SYNE1: variants seen among roughly 807,000 people sequenced by gnomAD.
The protein encoded by SYNE1 is nesprin-1.
Under a neutral mutation model 1,111.0 loss-of-function variants are expected in SYNE1, and 616 were observed. That is an observed-to-expected ratio of 0.55 (90% CI 0.52 to 0.59). The LOEUF (loss-of-function observed/expected upper bound fraction) is 0.59, where lower values mean the gene tolerates loss of function less well. Ranked by LOEUF, SYNE1 falls within the 20% of genes least tolerant of loss-of-function variation. The pLI, the probability that SYNE1 is intolerant of heterozygous loss-of-function variation, is 0.00. For missense variants in SYNE1, 10,006 were observed against 10,417.0 expected (o/e 0.96, Z 1.72); for synonymous variants, 3,855 against 3,825.8 (o/e 1.01, Z -0.28).
intron 105 of SYNE1, among the ~76,000 whole-genome samples, chr6:152,248,204 C>T (rs754807436): frequency 6.6e-6 from 1 of 152,186 alleles, no homozygotes; most frequent in Non-Finnish European, 1.5e-5. Context: ...TACCTGCAAA[C>T]ATCCCCTACA....
At position 152,464,259 on chromosome 6, in the gene SYNE1, C is replaced by T. The variant is rs142434774; in HGVS notation, c.1933-742G>A. On this transcript the variant is annotated intron_variant, in intron 18 of 145. Transcript: ENST00000367255. ...TGTGCACACGCACACACACAACACA[C>T]ATCACAGTGAAAAACAAGGATACCA... 1.7e-3 allele frequency among the ~76,000 whole-genome samples: 261 copies of T among 152,310 alleles called. 2 individuals carry two copies. Among genetic ancestry groups the T allele is most frequent in the African/African-American group, 6.1e-3 (255 of 41,568 alleles).
rs1398734304 is a variant in SYNE1 at position 152,520,458 on chromosome 6, C to G, written c.309+1G>C. The G allele has an allele frequency of 6.2e-7, 1 of 1,613,286 alleles. No individual in the cohort carries two copies. Among genetic ancestry groups the G allele is most frequent in the Non-Finnish European group, 8.5e-7 (1 of 1,179,596 alleles). ...GCATTTTGTTTTTGTTTCTCTCTTA[C>G]CTTTCTTCCTTCGAGGAACTTGAGT... is the stretch of plus-strand genomic sequence containing the variant. On this transcript the variant is annotated splice_donor_variant, in intron 6 of 145. Transcript: ENST00000367255. LOFTEE classifies it high-confidence loss of function.
At chr6:152,389,627 T>G (rs890374590) in intron 53 of SYNE1, among the ~76,000 whole-genome samples, 22 of 152,172 alleles carry the variant, frequency 1.4e-4, no homozygotes, top group African/African-American at 5.3e-4. Flanking sequence ...AAACACTACC[T>G]GGTATAACAA....
At chr6:152,496,124 C>T (rs1415219063) in intron 11 of SYNE1, among the ~76,000 whole-genome samples, 2 of 152,150 alleles carry the variant, frequency 1.3e-5, no homozygotes, top group Non-Finnish European at 2.9e-5. Flanking sequence ...GTTTTCCTTA[C>T]TCCCAAAATT....
intron 32 of SYNE1, among the ~76,000 whole-genome samples, chr6:152,437,084 G>A (rs777352801): frequency 2.6e-5 from 4 of 152,048 alleles, no homozygotes; most frequent in African/African-American, 7.2e-5. Flanking sequence ...AGAGGAGATA[G>A]AGGCTGCAGT....
intron 3 of SYNE1, among the ~76,000 whole-genome samples, chr6:152,619,046 T>TCACACA (rs56677340): frequency 0.043 from 5,900 of 135,736 alleles, 269 homozygotes; most frequent in African/African-American, 0.11. Flanking sequence ...GGTGTGAGAA[T>TCACACA]CACACACACA....
rs957914088 is a variant in SYNE1 at position 152,451,196 on chromosome 6, C to T, written c.3037G>A (p.Gly1013Arg). Residue 1013 changes from glycine to arginine, a missense_variant, in exon 26 of 146, where the codon GGA becomes AGA. By Grantham distance (125) the Gly-to-Arg change is moderately radical. Transcript: ENST00000367255. ...KLHKQWKDLQGEAPYHLLHLK... is the reference protein window; with the variant it reads ...KLHKQWKDLQREAPYHLLHLK... The stretch of plus-strand genomic sequence containing the variant: ...TGAAGCAAATGATAAGGGGCTTCTC[C>T]TTGAAGATCCTACATTCCATAGGAA... The T allele has an allele frequency of 6.2e-7, 1 of 1,613,790 alleles. No homozygotes were observed. The highest frequency in any genetic ancestry group is 1.7e-5 in the Admixed American group (1 of 60,000).
At chr6:152,249,791 G>A (rs996755579) in intron 104 of SYNE1, among the ~76,000 whole-genome samples, 1 of 151,974 alleles carries the variant, frequency 6.6e-6, no homozygotes, top group Non-Finnish European at 1.5e-5. Flanking sequence ...TATCCATGAT[G>A]GCCAAAAACA....
chr6:152,326,541 T>G lies in SYNE1; in HGVS notation c.15048A>C (p.Leu5016Phe). ...CGTCTAGGCCATTGCCTGCCAGCTG[T>G]AACAATTCTTGGGCATCCTCAAGCC... is the stretch of plus-strand genomic sequence containing the variant. ...NDWLEDAQEL[L>F]QLAGNGLDVE... is the part of the protein sequence containing the mutation. Residue 5016 changes from leucine to phenylalanine, a missense_variant, in exon 79 of 146, where the codon TTA becomes TTC. Around this residue, in one of 7 missense-constraint regions of SYNE1, gnomAD observed 4,955 missense variants for 5,017.2 expected, o/e 0.99. Coordinates refer to ENST00000367255, the MANE Select transcript of SYNE1 (RefSeq NM_182961.4). 6.2e-7 allele frequency: 1 copy of G among 1,614,196 alleles called. No homozygotes were observed. Among genetic ancestry groups the G allele is most frequent in the African/African-American group, 1.3e-5 (1 of 75,048 alleles).
At chr6:152,205,248 G>T (rs910244320) in intron 126 of SYNE1, among the ~76,000 whole-genome samples, 2 of 151,924 alleles carry the variant, frequency 1.3e-5, no homozygotes, top group Admixed American at 1.3e-4. Context: ...TGAAGTGTTG[G>T]TGATTATCAA....
chr6:152,188,987 ATATATATAT>A (rs2071345654), intron 128 of SYNE1, among the ~76,000 whole-genome samples: 11 of 41,876 alleles, frequency 2.6e-4, no homozygotes, highest in African/African-American at 6.9e-4. Flanking sequence ...AAAAAAAAAT[ATATATATAT>A]ATATATATAT....
chr6:152,631,112 C>A (rs892770684), intron 2 of SYNE1, among the ~76,000 whole-genome samples: 7 of 152,146 alleles, frequency 4.6e-5, no homozygotes, highest in South Asian at 2.1e-4. Context: ...AATACCAGGG[C>A]TAAGTGCAAA....
At chr6:152,447,708 T>G in intron 28 of SYNE1, 86 bp from the exon 29 acceptor site, 2 of 1,539,782 alleles carry the variant, frequency 1.3e-6, no homozygotes, top group Non-Finnish European at 1.8e-6. Flanking sequence ...CTAAAAAGGT[T>G]TGCAGGTGGA....
chr6:152,432,524 T>A (rs980589876), intron 34 of SYNE1, among the ~76,000 whole-genome samples: 1 of 152,074 alleles, frequency 6.6e-6, no homozygotes, highest in Admixed American at 6.6e-5. Flanking sequence ...AAAATAAAAA[T>A]AGACAATTGA....
At chr6:152,185,607 C>T (rs760006459) in intron 128 of SYNE1, among the ~76,000 whole-genome samples, 13 of 152,150 alleles carry the variant, frequency 8.5e-5, no homozygotes, top group South Asian at 8.3e-4. Context: ...AACGTAAGTA[C>T]GCTTTAGCTT....
At chr6:152,476,350 G>A (rs767025088) in intron 14 of SYNE1, among the ~76,000 whole-genome samples, 4 of 152,164 alleles carry the variant, frequency 2.6e-5, no homozygotes, top group Non-Finnish European at 4.4e-5. Context: ...AAATCATAGT[G>A]TCATTTATGA....
At position 152,133,506 on chromosome 6, in the gene SYNE1, A is replaced by T; in HGVS notation, c.25789-18T>A. 1 of 1,613,036 alleles carries T rather than the reference A, an allele frequency of 6.2e-7. No homozygotes were observed. The highest frequency in any genetic ancestry group is 8.5e-7 in the Non-Finnish European group (1 of 1,179,308). ...TTTATTTGCTATGCATACAAAAACA[A>T]ATTAATTTTTCTAAGCATTTTTGAT... On this transcript the variant is annotated intron_variant, in intron 142 of 145. Transcript: ENST00000367255.
chr6:152,604,045 G>C (rs901942360), intron 3 of SYNE1, among the ~76,000 whole-genome samples: 21 of 149,846 alleles, frequency 1.4e-4, no homozygotes, highest in African/African-American at 5.1e-4. Flanking sequence ...ATGTATGTAT[G>C]TTCATATATG....
chr6:152,323,018 T>C (rs573829589), intron 82 of SYNE1, among the ~76,000 whole-genome samples: 2 of 152,254 alleles, frequency 1.3e-5, no homozygotes, highest in Admixed American at 1.3e-4. Flanking sequence ...AGATATGTAT[T>C]TGTCAGACAA....
Sources: allele counts gnomAD v4.1 joint callset (sites outside exome capture counted in the v4.1 genomes callset), GRCh38; gene constraint gnomAD v4.1.1; regional missense constraint gnomAD v4.1.1; transcripts MANE v1.5; gene names NCBI Gene and HGNC (gene_info 2026-07-23, HGNC 2026-07-21).